The following GMEB1 variants were observed in gnomAD, a reference collection of about 807,000 sequenced individuals.
GMEB1 encodes the protein glucocorticoid modulatory element binding protein 1, also known as glucocorticoid modulatory element-binding protein 1.
GMEB1 carries 6 observed loss-of-function variants against 52.4 expected under a neutral mutation model. The observed-to-expected ratio is 0.11, with a 90% CI of 0.06 to 0.23. The LOEUF is 0.23. Ranked by LOEUF, GMEB1 falls within the 10% of genes least tolerant of loss-of-function variation. The probability of loss-of-function intolerance (pLI) is 1.00; values close to 1 mark genes in which losing one functional copy is unlikely to be tolerated. For missense variants in GMEB1, 486 were observed against 685.6 expected, an observed-to-expected ratio of 0.71 and a Z score of 3.25; for synonymous variants, 255 against 244.9, an observed-to-expected ratio of 1.04 and a Z score of -0.38.
chr1:28,676,148 A>G (rs1669142995), intron 1 of GMEB1, among the ~76,000 whole-genome samples: 1 of 152,216 alleles, frequency 6.6e-6, no homozygotes, highest in Non-Finnish European at 1.5e-5. Flanking sequence ...TGAGGAAGGT[A>G]TTAAGAAGTT....
intron 9 of GMEB1, among the ~76,000 whole-genome samples, chr1:28,713,012 G>A (rs145306805): frequency 0.017 from 2,452 of 148,480 alleles, 59 homozygotes; most frequent in African/African-American, 0.057. Context: ...AAAAACATTA[G>A]CCAGGCGCGG....
intron 1 of GMEB1, among the ~76,000 whole-genome samples, chr1:28,673,938 G>A (rs900200426): frequency 6.6e-6 from 1 of 151,906 alleles, no homozygotes; most frequent in Non-Finnish European, 1.5e-5. Flanking sequence ...ACGAGGTCAG[G>A]AGTTCAAGAC....
rs1671225455 is a variant in GMEB1, at chr1:28,714,971, A to G, written c.*198A>G. 1 of 567,434 alleles carries G rather than the reference A, an allele frequency of 1.8e-6. No individual in the cohort carries two copies. The highest frequency in any genetic ancestry group is 3.1e-6 in the Non-Finnish European group (1 of 319,600). The allele number at this position is 567,434 out of a possible 1,614,324, so 35.1% of individuals were successfully genotyped here. ...GGACAAAACAAGCTGCCCTTCCAGA[A>G]GTTGAGAGTAGGTCATTCAATGTCC... On this transcript the variant is annotated 3_prime_UTR_variant, in exon 10 of 10. Coordinates refer to ENST00000373816, the MANE Select transcript of GMEB1 (RefSeq NM_001319674.2).
rs1668724723 is a variant in GMEB1 at position 28,668,801 on chromosome 1, C to G, written c.-69C>G. 1 of 148,988 alleles carries G rather than the reference C, an allele frequency of 6.7e-6. No homozygotes were observed. Among genetic ancestry groups the G allele is most frequent in the African/African-American group, 2.4e-5 (1 of 41,006 alleles). The allele number at this position is 148,988 out of a possible 1,614,324, so 9.2% of individuals were successfully genotyped here. On this transcript the variant is annotated 5_prime_UTR_variant, in exon 1 of 10. Coordinates refer to ENST00000373816, the MANE Select transcript of GMEB1 (RefSeq NM_001319674.2). ...CTCTGCGCATGCTCCGTCGCCTGCC[C>G]GCCCTGGCCGCTCGCCGCCCGCCCG...
chr1:28,693,154 T>C (rs1670041183), intron 5 of GMEB1, 109 bp downstream of exon 5: 4 of 492,734 alleles, frequency 8.1e-6, no homozygotes. Context: ...TTCTGAAGAA[T>C]TGGCTTGAGC....
At chr1:28,677,187 A>C (rs868443428) in intron 1 of GMEB1, among the ~76,000 whole-genome samples, 4 of 152,364 alleles carry the variant, frequency 2.6e-5, no homozygotes, top group Middle Eastern at 6.8e-3. Context: ...AAAATTAAAA[A>C]AAAAAATCTG....
intron 2 of GMEB1, among the ~76,000 whole-genome samples, chr1:28,684,285 C>T (rs753419155): frequency 1.3e-4 from 19 of 151,852 alleles, no homozygotes; most frequent in African/African-American, 3.6e-4. Flanking sequence ...CAGGCCTGGC[C>T]GGGTGCAGTG....
intron 3 of GMEB1, among the ~76,000 whole-genome samples, chr1:28,690,924 G>A (rs942213099): frequency 1.1e-4 from 17 of 152,184 alleles, no homozygotes; most frequent in African/African-American, 4.1e-4. Flanking sequence ...AGGTTGCAGT[G>A]AGCCGAGGTC....
intron 6 of GMEB1, 75 bp downstream of exon 6, chr1:28,697,159 GTACATATATATATATATATATATATA>G: frequency 1.1e-5 from 2 of 190,306 alleles, no homozygotes; most frequent in East Asian, 3.2e-4. Context: ...TCCCTTGTGT[GTACATATATATATATATATATATATA>G]TATATATATA....
intron 1 of GMEB1, among the ~76,000 whole-genome samples, chr1:28,681,349 C>A (rs182858007): frequency 6.6e-6 from 1 of 151,958 alleles, no homozygotes; most frequent in Non-Finnish European, 1.5e-5. Flanking sequence ...GTCTGGGCAA[C>A]GGAGCGAGAC....
chr1:28,713,007 C>T (rs1197439449), intron 9 of GMEB1, among the ~76,000 whole-genome samples: 62 of 103,652 alleles, frequency 6.0e-4, no homozygotes, highest in Middle Eastern at 5.1e-3. Context: ...AAAAAAAAAA[C>T]ATTAGCCAGG....
intron 4 of GMEB1, among the ~76,000 whole-genome samples, chr1:28,692,091 G>C (rs1404130330): frequency 6.6e-6 from 1 of 151,048 alleles, no homozygotes; most frequent in African/African-American, 2.4e-5. Context: ...GCTCACTGTA[G>C]CCTCCACTTC....
In GMEB1 at chr1:28,717,326, A is replaced by T. The variant is rs1303756461; in HGVS notation, c.*2553A>T. 1 of 152,006 alleles carries T rather than the reference A, an allele frequency of 6.6e-6. No homozygotes were observed. Among genetic ancestry groups the T allele is most frequent in the Non-Finnish European group, 1.5e-5 (1 of 68,130 alleles). The allele number at this position is 152,006 out of a possible 1,614,324, so 9.4% of individuals were successfully genotyped here. On this transcript the variant is annotated 3_prime_UTR_variant, in exon 10 of 10. Coordinates refer to ENST00000373816, the MANE Select transcript of GMEB1 (RefSeq NM_001319674.2). The stretch of plus-strand genomic sequence containing the variant: ...TGCCTCAGCCTCCTGAGTAGCTGGG[A>T]TTACAGGCTCCCACCACCACGCCCG...
At chr1:28,680,149 G>A (rs1218445857) in intron 1 of GMEB1, among the ~76,000 whole-genome samples, 1 of 152,066 alleles carries the variant, frequency 6.6e-6, no homozygotes, top group Non-Finnish European at 1.5e-5. Flanking sequence ...GGGAGGCCAA[G>A]GCCGGATGAT....
intron 8 of GMEB1, among the ~76,000 whole-genome samples, chr1:28,707,472 G>A (rs1670838491): frequency 6.6e-6 from 1 of 152,078 alleles, no homozygotes; most frequent in South Asian, 2.1e-4. Context: ...GTAAAGTTAG[G>A]AAGAAGTGAT....
At chr1:28,674,033 G>A (rs555315333) in intron 1 of GMEB1, among the ~76,000 whole-genome samples, 46 of 151,940 alleles carry the variant, frequency 3.0e-4, no homozygotes, top group Non-Finnish European at 4.6e-4. Flanking sequence ...TGTAATCCCA[G>A]CTACTCGGGA....
chr1:28,690,854 G>A (rs560316127), intron 3 of GMEB1, among the ~76,000 whole-genome samples: 63 of 152,020 alleles, frequency 4.1e-4, no homozygotes, highest in African/African-American at 1.3e-3. Context: ...AGTGGTGCGC[G>A]CCTGTAATCC....
chr1:28,702,912 G>A (rs562278650), intron 7 of GMEB1, among the ~76,000 whole-genome samples: 7 of 151,982 alleles, frequency 4.6e-5, no homozygotes, highest in African/African-American at 7.3e-5. Flanking sequence ...AAAATTAGCC[G>A]GGCGTGGTAG....
chr1:28,704,700 G>A (rs1423579019), intron 8 of GMEB1, among the ~76,000 whole-genome samples: 2 of 151,994 alleles, frequency 1.3e-5, no homozygotes, highest in Non-Finnish European at 2.9e-5. Context: ...CCGCCTCCTG[G>A]GTTTTAAGCA....
Sources: gnomAD v4.1 joint callset for allele counts (sites outside exome capture counted in the v4.1 genomes callset) on GRCh38, gnomAD v4.1.1 for gene constraint, MANE v1.5 for transcripts, NCBI Gene and HGNC (gene_info 2026-07-23, HGNC 2026-07-21) for gene names.